Variants in PLCB1 observed in about 807,000 individuals in gnomAD.
PLCB1 encodes phospholipase C beta 1, also known as 1-phosphatidylinositol 4,5-bisphosphate phosphodiesterase beta-1.
A neutral mutation model predicts 161.8 loss-of-function variants in PLCB1; 46 were observed. The ratio of observed to expected loss-of-function variants is 0.28; its 90% CI spans 0.22 to 0.36. The LOEUF (loss-of-function observed/expected upper bound fraction) is 0.36. Among genes scored for constraint, PLCB1 ranks in the 10% least tolerant of loss-of-function variants. The pLI, the probability that PLCB1 is intolerant of heterozygous loss-of-function variation, is 1.00. For synonymous variants in PLCB1, 517 were observed against 503.7 expected (o/e 1.03, Z -0.35); for missense variants, 1,016 against 1,472.5 (o/e 0.69, Z 5.07).
intron 7 of PLCB1, 171 bp downstream of exon 7, chr20:8,649,620 T>A: frequency 1.7e-6 from 1 of 582,912 alleles, no homozygotes; most frequent in Non-Finnish European, 3.1e-6. Flanking sequence ...GAGGAACTGG[T>A]GGCTTTATAA....
chr20:8,136,536 G>A (rs1367613927), intron 1 of PLCB1, among the ~76,000 whole-genome samples: 3 of 151,486 alleles, frequency 2.0e-5, no homozygotes, highest in Middle Eastern at 3.2e-3. Context: ...TGAGGCAGGA[G>A]AATGGCGTGA....
At chr20:8,309,084 A>G (rs1984271118) in intron 2 of PLCB1, among the ~76,000 whole-genome samples, 1 of 152,056 alleles carries the variant, frequency 6.6e-6, no homozygotes, top group African/African-American at 2.4e-5. Context: ...GCTGGGAGGA[A>G]TAGTATTTTT....
intron 2 of PLCB1, among the ~76,000 whole-genome samples, chr20:8,346,598 G>T (rs1336266468): frequency 1.3e-5 from 2 of 152,108 alleles, no homozygotes; most frequent in South Asian, 4.1e-4. Flanking sequence ...GTATTTTGTT[G>T]TTACATTAAT....
At chr20:8,320,916 GGAA>G (rs1360166277) in intron 2 of PLCB1, among the ~76,000 whole-genome samples, 1 of 142,186 alleles carries the variant, frequency 7.0e-6, no homozygotes, top group African/African-American at 2.8e-5. Context: ...AAGAAGAAGA[GGAA>G]GAAGAGGAAG....
At chr20:8,660,292 C>T (rs1049502609) in intron 9 of PLCB1, among the ~76,000 whole-genome samples, 3 of 152,050 alleles carry the variant, frequency 2.0e-5, no homozygotes, top group African/African-American at 7.2e-5. Flanking sequence ...GAGATTTCCC[C>T]TTATCATGAA....
intron 31 of PLCB1, among the ~76,000 whole-genome samples, chr20:8,824,038 T>C (rs1600358028): frequency 6.6e-6 from 1 of 152,118 alleles, no homozygotes. Context: ...GTTTAACATC[T>C]TATCTCCTTG....
intron 2 of PLCB1, among the ~76,000 whole-genome samples, chr20:8,204,052 A>AAAAT (rs1472414110): frequency 6.6e-6 from 1 of 152,184 alleles, no homozygotes; most frequent in Non-Finnish European, 1.5e-5. Flanking sequence ...TCTGGGAGAC[A>AAAAT]AAATACCTAA....
chr20:8,412,523 G>C (rs1052376975), intron 3 of PLCB1, among the ~76,000 whole-genome samples: 6 of 152,220 alleles, frequency 3.9e-5, no homozygotes, highest in African/African-American at 1.4e-4. Context: ...TATGCAGTAA[G>C]AGAAGCAGGA....
At chr20:8,877,871 T>C (rs1215263393) in intron 31 of PLCB1, among the ~76,000 whole-genome samples, 1 of 152,164 alleles carries the variant, frequency 6.6e-6, no homozygotes, top group Non-Finnish European at 1.5e-5. Flanking sequence ...AGTGACTTAG[T>C]TTAGAATATA....
Position 8,881,790 on chromosome 20 carries a change from C to A in PLCB1, c.3592C>A (p.Pro1198Thr), listed in dbSNP as rs762968936. 10 of 1,614,106 alleles carry A rather than the reference C, an allele frequency of 6.2e-6. No homozygotes were observed. Among genetic ancestry groups the A allele is most frequent in the Non-Finnish European group, 3.4e-6 (4 of 1,179,990 alleles). The change falls in exon 32 of 32, where the codon CCC becomes ACC. Residue 1198 changes from proline (P) to threonine (T), a missense_variant. Physicochemically the swap from Pro to Thr is conservative, Grantham distance 38 (BLOSUM62 -1). Transcript: ENST00000338037. ...CCCTGGAAAAGTGAACCACAAGACT[C>A]CCTCCAGTGAGGAGCTGGGAGGAGA... ...SDPGKVNHKT[P>T]SSEELGGDIP...
intron 3 of PLCB1, among the ~76,000 whole-genome samples, chr20:8,419,383 T>A (rs1308629899): frequency 6.6e-6 from 1 of 152,162 alleles, no homozygotes; most frequent in Non-Finnish European, 1.5e-5. Context: ...ATGTTAATGA[T>A]TATATATGGT....
chr20:8,535,125 A>G (rs1984992065), intron 3 of PLCB1, among the ~76,000 whole-genome samples: 2 of 140,242 alleles, frequency 1.4e-5, no homozygotes, highest in African/African-American at 2.6e-5. Context: ...AAAAAAAAAA[A>G]GGATAGAGTC....
chr20:8,226,288 C>T (rs73897345), intron 2 of PLCB1, among the ~76,000 whole-genome samples: 1,871 of 152,234 alleles, frequency 0.012, 39 homozygotes, highest in African/African-American at 0.042. Context: ...GCACTCCCTG[C>T]TGCTTTCTCT....
chr20:8,353,572 T>C (rs574906835), intron 2 of PLCB1, among the ~76,000 whole-genome samples: 4 of 152,214 alleles, frequency 2.6e-5, no homozygotes, highest in Admixed American at 1.3e-4. Flanking sequence ...TAGGTACCTT[T>C]GACATGATGT....
intron 3 of PLCB1, among the ~76,000 whole-genome samples, chr20:8,595,046 T>A (rs977744889): frequency 1.3e-5 from 2 of 152,224 alleles, no homozygotes; most frequent in Non-Finnish European, 2.9e-5. Flanking sequence ...ATCTTAGGTG[T>A]AATACAAAGA....
intron 10 of PLCB1, among the ~76,000 whole-genome samples, chr20:8,692,085 C>G (rs1034925727): frequency 6.6e-5 from 10 of 152,192 alleles, no homozygotes; most frequent in Admixed American, 2.6e-4. Context: ...CTCCGGACAG[C>G]TAATATCTTC....
chr20:8,188,912 A>C (rs2051935316), intron 2 of PLCB1, among the ~76,000 whole-genome samples: 3 of 152,172 alleles, frequency 2.0e-5, no homozygotes, highest in African/African-American at 7.2e-5. Flanking sequence ...GTGATTTGAT[A>C]GGTAATTCAA....
intron 1 of PLCB1, among the ~76,000 whole-genome samples, chr20:8,149,349 G>A (rs1347340774): frequency 1.3e-5 from 2 of 151,982 alleles, no homozygotes; most frequent in African/African-American, 4.8e-5. Flanking sequence ...TCCAGAACCA[G>A]GCTCTTACAA....
chr20:8,794,742 G>C lies in PLCB1; in HGVS notation c.3423+4481G>C, dbSNP rs1170856071. On this transcript the variant is annotated intron_variant, in intron 31 of 31. Coordinates refer to ENST00000338037, the MANE Select transcript of PLCB1 (RefSeq NM_015192.4). ...ACTATTTTGAGCTATTCTGAACCTT[G>C]ATCAACTTAGAAAATCATATCAATA... 5.3e-5 allele frequency among the ~76,000 whole-genome samples: 8 copies of C among 152,082 alleles called. No homozygotes were observed. In the South Asian group the frequency reaches 1.4e-3, roughly 28 times the overall value.
Sources: gnomAD v4.1 joint callset for allele counts (sites outside exome capture counted in the v4.1 genomes callset) on GRCh38, gnomAD v4.1.1 for gene constraint, MANE v1.5 for transcripts, NCBI Gene and HGNC (gene_info 2026-07-23, HGNC 2026-07-21) for gene names.